ZNF529: variants seen among roughly 807,000 people sequenced by gnomAD.
The protein encoded by ZNF529 is zinc finger protein 529.
In ZNF529, 11 loss-of-function variants were observed where a neutral mutation model predicts 10.1. The ratio of observed to expected loss-of-function variants is 1.09; its 90% CI spans 0.69 to 1.81. The LOEUF is 1.81. Among genes scored for constraint, ZNF529 ranks in the 40% most tolerant of loss-of-function variants. ZNF529 has a pLI of 0.00. For missense variants in ZNF529, 624 were observed against 666.8 expected (o/e 0.94, Z 0.71); for synonymous variants, 204 against 215.7 (o/e 0.95, Z 0.47).
chr19:36,586,784 T>C (rs563155486), intron 2 of ZNF529, among the ~76,000 whole-genome samples: 154 of 152,332 alleles, frequency 1.0e-3, no homozygotes, highest in Admixed American at 1.7e-3. Context: ...TGCAAAGAAG[T>C]CTTTAACACC....
chr19:36,602,654 C>T (rs1431916050), intron 1 of ZNF529, among the ~76,000 whole-genome samples: 1 of 152,080 alleles, frequency 6.6e-6, no homozygotes, highest in Non-Finnish European at 1.5e-5. Flanking sequence ...CCTGGCCGGG[C>T]ACGGTGGCTC....
intron 2 of ZNF529, among the ~76,000 whole-genome samples, chr19:36,571,143 C>A (rs1003795844): frequency 8.5e-5 from 13 of 152,078 alleles, no homozygotes; most frequent in African/African-American, 2.9e-4. Context: ...CTATTAAACA[C>A]AACTTTATTG....
At chr19:36,561,477 G>A (rs1363792932) in intron 2 of ZNF529, among the ~76,000 whole-genome samples, 5 of 150,592 alleles carry the variant, frequency 3.3e-5, no homozygotes, top group East Asian at 3.9e-4. Context: ...CCGCCTCCCC[G>A]GCTCAAGCAA....
chr19:36,565,080 C>A (rs897126430), intron 2 of ZNF529, among the ~76,000 whole-genome samples: 2 of 151,988 alleles, frequency 1.3e-5, no homozygotes, highest in Non-Finnish European at 2.9e-5. Flanking sequence ...ATACACACTG[C>A]GACTACTAGA....
upstream of ZNF529, among the ~76,000 whole-genome samples, chr19:36,576,099 C>T (rs1479709786): frequency 3.3e-5 from 5 of 151,844 alleles, no homozygotes; most frequent in Admixed American, 6.6e-5. Flanking sequence ...CACCCACCTC[C>T]GCCTCCCAAA....
Position 36,562,827 on chromosome 19 carries a change from T to G in ZNF529, c.15-6630A>C, listed in dbSNP as rs528554915. Among the ~76,000 whole-genome samples the G allele has an allele frequency of 1.5e-3, 190 of 125,146 alleles. 2 individuals are homozygous for G. Among genetic ancestry groups the G allele is most frequent in the African/African-American group, 6.2e-3 (185 of 29,872 alleles). 82.1% of individuals were successfully genotyped at this position (125,146 alleles called of 152,430 possible). ...GCCTGGGCGACAGAGCAACACTCTGTCTCCAGAAAAAAAAAAAAAAAAAGA... is the reference window on the plus strand; with the variant it reads ...GCCTGGGCGACAGAGCAACACTCTGGCTCCAGAAAAAAAAAAAAAAAAAGA... On this transcript the variant is annotated intron_variant, in intron 2 of 4. Transcript: ENST00000591340.
chr19:36,571,612 T>TC, intron 2 of ZNF529, among the ~76,000 whole-genome samples: 1 of 151,282 alleles, frequency 6.6e-6, no homozygotes, highest in Non-Finnish European at 1.5e-5. Flanking sequence ...GAGGCAGAGG[T>TC]TGCAGTGAAC....
In ZNF529 at chr19:36,547,855, T is replaced by G; in HGVS notation, c.703A>C (p.Thr235Pro). 1.9e-6 allele frequency: 3 copies of G among 1,610,732 alleles called. No individual in the cohort carries two copies. Among genetic ancestry groups the G allele is most frequent in the Non-Finnish European group, 2.5e-6 (3 of 1,177,582 alleles). Residue 235 changes from threonine (T) to proline (P), a missense_variant, in exon 5 of 5, where the codon ACA becomes CCA. Transcript: ENST00000591340. ...KPCKYMEYGNTCSFYKDFNVY... is the reference protein window; with the variant it reads ...KPCKYMEYGNPCSFYKDFNVY... Reference sequence around the variant, plus strand: ...TTAAAGTCTTTATAAAAACTACATGTATTCCCATATTCCATATATTTACAA... The same window carrying G: ...TTAAAGTCTTTATAAAAACTACATGGATTCCCATATTCCATATATTTACAA...
chr19:36,574,797 G>A (rs1390869582), upstream of ZNF529: 1 of 470,386 alleles, frequency 2.1e-6, no homozygotes, highest in Non-Finnish European at 4.4e-6. Context: ...TTTTTCTGTT[G>A]TTGAACATTT....
intron 1 of ZNF529, among the ~76,000 whole-genome samples, chr19:36,598,933 A>C (rs1332269854): frequency 1.3e-5 from 2 of 152,226 alleles, no homozygotes; most frequent in Non-Finnish European, 2.9e-5. Context: ...CAGCCTGCAA[A>C]TGTAATTAGT....
chr19:36,569,891 C>G (rs949411781), intron 2 of ZNF529, among the ~76,000 whole-genome samples: 12 of 152,204 alleles, frequency 7.9e-5, no homozygotes, highest in Non-Finnish European at 1.3e-4. Flanking sequence ...GTTAGAGTAT[C>G]CTGCCTGATT....
intron 2 of ZNF529, among the ~76,000 whole-genome samples, chr19:36,565,404 T>A (rs985401929): frequency 6.6e-6 from 1 of 152,050 alleles, no homozygotes; most frequent in East Asian, 1.9e-4. Flanking sequence ...CAAAGCCATA[T>A]ACAAAAATGA....
rs578230662 is a variant in ZNF529 at position 36,565,627 on chromosome 19, G to A, written c.14+6706C>T. ...GATGTAGGAGAATTGCTTGACCCCA[G>A]AGGCGGAGGTTGCAGTGAGCAGAGA... On this transcript the variant is annotated intron_variant, in intron 2 of 4. Coordinates refer to ENST00000591340, the MANE Select transcript of ZNF529 (RefSeq NM_020951.5). Among the ~76,000 whole-genome samples the A allele has an allele frequency of 1.1e-4, 17 of 152,260 alleles. No individual in the cohort carries two copies. The East Asian group carries it at 2.3e-3, about 21-fold the overall frequency.
At chr19:36,550,086 CA>C (rs2035202112) in intron 4 of ZNF529, among the ~76,000 whole-genome samples, 1 of 152,080 alleles carries the variant, frequency 6.6e-6, no homozygotes, top group Admixed American at 6.5e-5. Context: ...AAACTCAGAG[CA>C]ACACATAAAC....
chr19:36,601,549 C>T (rs1654667724), intron 1 of ZNF529, among the ~76,000 whole-genome samples: 1 of 152,042 alleles, frequency 6.6e-6, no homozygotes, highest in African/African-American at 2.4e-5. Flanking sequence ...TTCATTGCAC[C>T]TTATATGTGA....
upstream of ZNF529, chr19:36,605,465 C>T (rs2037010212): frequency 6.6e-6 from 1 of 152,668 alleles, no homozygotes; most frequent in East Asian, 1.9e-4. Context: ...GAGTCCGAGC[C>T]GGGCCTGGAA....
At chr19:36,597,483 A>C (rs895544813) in intron 1 of ZNF529, among the ~76,000 whole-genome samples, 2 of 152,198 alleles carry the variant, frequency 1.3e-5, no homozygotes, top group African/African-American at 4.8e-5. Flanking sequence ...GCATAAGTAC[A>C]ACCACAGTGG....
intron 1 of ZNF529, among the ~76,000 whole-genome samples, chr19:36,603,184 ATGTG>A (rs746230823): frequency 6.6e-6 from 1 of 152,192 alleles, no homozygotes; most frequent in Non-Finnish European, 1.5e-5. Flanking sequence ...AAACTATCTA[ATGTG>A]TAATTCTACC....
At chr19:36,577,867 G>C (rs1214794189), upstream of ZNF529, 2 of 152,128 alleles carry the variant, frequency 1.3e-5, no homozygotes, top group Non-Finnish European at 2.9e-5. Context: ...CCTAGGAATA[G>C]AGCAGGCCTT....
Sources: allele counts gnomAD v4.1 joint callset (sites outside exome capture counted in the v4.1 genomes callset), GRCh38; gene constraint gnomAD v4.1.1; transcripts MANE v1.5; gene names NCBI Gene and HGNC (gene_info 2026-07-23, HGNC 2026-07-21).